The following TOX2 variants were observed in gnomAD, a reference collection of about 807,000 sequenced individuals.
TOX2 encodes granulosa cell HMG box 1.
TOX2 carries 15 observed loss-of-function variants against 47.4 expected under a neutral mutation model. The observed-to-expected ratio is 0.32, with a 90% CI of 0.21 to 0.49. The LOEUF (loss-of-function observed/expected upper bound fraction) is 0.49. TOX2 is among the 20% of genes least tolerant of loss of function. The pLI is 0.99. For synonymous variants in TOX2, 290 were observed against 296.6 expected (o/e 0.98, Z 0.23); for missense variants, 622 against 673.1 (o/e 0.92, Z 0.84).
chr20:44,044,559 G>T (rs888923943), intron 3 of TOX2, among the ~76,000 whole-genome samples: 5 of 151,990 alleles, frequency 3.3e-5, no homozygotes, highest in Non-Finnish European at 4.4e-5. Context: ...TTATGGACAA[G>T]AATGGGTTTC....
chr20:43,990,966 C>A (rs191356733), intron 2 of TOX2, among the ~76,000 whole-genome samples: 12 of 152,288 alleles, frequency 7.9e-5, no homozygotes, highest in Non-Finnish European at 1.6e-4. Context: ...ACAGAAACAA[C>A]TAGAGAGCCT....
At chr20:44,032,267 C>T (rs2071167508) in intron 3 of TOX2, among the ~76,000 whole-genome samples, 1 of 152,326 alleles carries the variant, frequency 6.6e-6, no homozygotes, top group Middle Eastern at 3.4e-3. Flanking sequence ...TCCAGCTCAG[C>T]ACTACTGACA....
chr20:43,964,796 C>T (rs970225980), intron 1 of TOX2, among the ~76,000 whole-genome samples: 3 of 152,162 alleles, frequency 2.0e-5, no homozygotes, highest in Non-Finnish European at 4.4e-5. Context: ...TGGCTGGTCA[C>T]AGCTCTGGGA....
intron 1 of TOX2, among the ~76,000 whole-genome samples, chr20:43,963,869 G>T (rs2069804448): frequency 6.6e-6 from 1 of 152,118 alleles, no homozygotes; most frequent in African/African-American, 2.4e-5. Context: ...AGACCTCAGA[G>T]ATTTGCACAA....
chr20:44,004,986 T>G (rs1295605738), intron 2 of TOX2, among the ~76,000 whole-genome samples: 1 of 152,220 alleles, frequency 6.6e-6, no homozygotes, highest in African/African-American at 2.4e-5. Context: ...ATGATAAATG[T>G]TCAAGATGCT....
chr20:43,957,569 T>TTG (rs144996217), intron 1 of TOX2, among the ~76,000 whole-genome samples: 19,624 of 141,300 alleles, frequency 0.14, 1,582 homozygotes, highest in Admixed American at 0.28. Flanking sequence ...AATGCCCTCT[T>TTG]TTTTTTTTTT....
chr20:43,920,016 G>A (rs977598326), intron 1 of TOX2, among the ~76,000 whole-genome samples: 15 of 152,208 alleles, frequency 9.9e-5, no homozygotes, highest in Admixed American at 6.5e-4. Flanking sequence ...GATTCAGTTG[G>A]TCTGGCATGG....
chr20:43,968,672 G>C (rs2069905409), intron 1 of TOX2, among the ~76,000 whole-genome samples: 1 of 152,216 alleles, frequency 6.6e-6, no homozygotes, highest in African/African-American at 2.4e-5. Context: ...AAACTCTTGG[G>C]AAGAGAAGAT....
intron 3 of TOX2, among the ~76,000 whole-genome samples, chr20:44,024,967 G>A (rs138129787): frequency 1.3e-4 from 20 of 152,252 alleles, no homozygotes; most frequent in Admixed American, 8.5e-4. Flanking sequence ...AGTGTATCAT[G>A]TGTATACTTC....
At chr20:43,976,202 T>A (rs2070075021) in intron 2 of TOX2, among the ~76,000 whole-genome samples, 1 of 152,246 alleles carries the variant, frequency 6.6e-6, no homozygotes, top group African/African-American at 2.4e-5. Flanking sequence ...TTTATCTGGT[T>A]AATGATTTTG....
At chr20:43,976,125 T>G (rs2070073809) in intron 2 of TOX2, among the ~76,000 whole-genome samples, 1 of 152,276 alleles carries the variant, frequency 6.6e-6, no homozygotes, top group Non-Finnish European at 1.5e-5. Context: ...AGATTTCTTA[T>G]AGTGTATCCG....
chr20:44,061,477 T>TAA (rs1434538574), intron 5 of TOX2, among the ~76,000 whole-genome samples: 1 of 152,026 alleles, frequency 6.6e-6, no homozygotes, highest in African/African-American at 2.4e-5. Flanking sequence ...TTCAAGGTAA[T>TAA]AAAAGCCATC....
At chr20:43,982,912 G>A (rs2070193204) in intron 2 of TOX2, among the ~76,000 whole-genome samples, 1 of 151,624 alleles carries the variant, frequency 6.6e-6, no homozygotes, top group South Asian at 2.1e-4. Flanking sequence ...GCAAGGCTGG[G>A]AAATAGGGTA....
intron 2 of TOX2, among the ~76,000 whole-genome samples, chr20:43,978,638 G>A (rs114960465): frequency 0.015 from 2,301 of 152,178 alleles, 61 homozygotes; most frequent in African/African-American, 0.052. Flanking sequence ...TTCCTTCAGG[G>A]GCACTGCAAA....
At chr20:43,985,427 A>G (rs1461295999) in intron 2 of TOX2, among the ~76,000 whole-genome samples, 3 of 152,194 alleles carry the variant, frequency 2.0e-5, no homozygotes, top group Non-Finnish European at 2.9e-5. Flanking sequence ...TATAAAGGTA[A>G]TGACATGAGA....
intron 1 of TOX2, among the ~76,000 whole-genome samples, chr20:43,945,324 T>C (rs1165586899): frequency 2.0e-5 from 3 of 152,194 alleles, no homozygotes; most frequent in African/African-American, 7.2e-5. Context: ...TTGCAGGCAG[T>C]TCCAAGTCAG....
At chr20:44,040,251 A>T (rs1312199566) in intron 3 of TOX2, among the ~76,000 whole-genome samples, 2 of 152,312 alleles carry the variant, frequency 1.3e-5, no homozygotes, top group South Asian at 2.1e-4. Context: ...GTAGGTGTCT[A>T]TGGAGGAGCC....
intron 1 of TOX2, among the ~76,000 whole-genome samples, chr20:43,951,365 C>A (rs6103530): frequency 0.096 from 14,583 of 151,884 alleles, 1,616 homozygotes; most frequent in African/African-American, 0.27. Context: ...ACTTGAGTAC[C>A]GGAGTTCAAG....
intron 1 of TOX2, among the ~76,000 whole-genome samples, chr20:43,935,927 CAAA>C (rs58300627): frequency 0.2 from 14,361 of 72,738 alleles, 1,012 homozygotes; most frequent in East Asian, 0.41. Flanking sequence ...AACTCCATCC[CAAA>C]AAAAAAAAAA....
Sources: gnomAD v4.1 joint callset for allele counts (sites outside exome capture counted in the v4.1 genomes callset) on GRCh38, gnomAD v4.1.1 for gene constraint, MANE v1.5 for transcripts, NCBI Gene and HGNC (gene_info 2026-07-23, HGNC 2026-07-21) for gene names.